The following PDCD7 variants were observed in gnomAD, a reference collection of about 807,000 sequenced individuals.
The protein encoded by PDCD7 is programmed cell death protein 7.
A neutral mutation model predicts 42.1 loss-of-function variants in PDCD7; 40 were observed. The ratio of observed to expected loss-of-function variants is 0.95; its 90% CI spans 0.74 to 1.24. The LOEUF (loss-of-function observed/expected upper bound fraction) is 1.24. Among genes scored for constraint, PDCD7 ranks in the 50% most tolerant of loss-of-function variants. The pLI, the probability that PDCD7 is intolerant of heterozygous loss-of-function variation, is 0.00. For missense variants in PDCD7, 644 were observed against 662.8 expected (o/e 0.97, Z 0.31); for synonymous variants, 299 against 303.3 (o/e 0.99, Z 0.15).
At chr15:65,122,087 C>T (rs2087459813) in intron 2 of PDCD7, among the ~76,000 whole-genome samples, 1 of 152,164 alleles carries the variant, frequency 6.6e-6, no homozygotes, top group Admixed American at 6.5e-5. Context: ...GTAAACCTAG[C>T]ACTTTGGGAG....
chr15:65,124,929 G>A (rs2087484008), intron 2 of PDCD7, among the ~76,000 whole-genome samples: 1 of 152,092 alleles, frequency 6.6e-6, no homozygotes. Flanking sequence ...ATGTCAGCTG[G>A]ACCCATAGCA....
chr15:65,130,535 A>G (rs891863390), intron 1 of PDCD7, among the ~76,000 whole-genome samples: 2 of 152,148 alleles, frequency 1.3e-5, no homozygotes, highest in African/African-American at 4.8e-5. Flanking sequence ...CCTCTTGCCT[A>G]AAGTGCTCTC....
At chr15:65,132,109 T>TACACATACATACACATATATACAC (rs2087544672) in intron 1 of PDCD7, among the ~76,000 whole-genome samples, 1 of 84,578 alleles carries the variant, frequency 1.2e-5, no homozygotes, top group Non-Finnish European at 2.5e-5. Context: ...TATGTGTATA[T>TACACATACATACACATATATACAC]ATATGTATGT....
At position 65,119,399 on chromosome 15, in the gene PDCD7, G is replaced by A. The variant is rs1289689082; in HGVS notation, c.1311C>T (p.Ser437=). Residue 437 remains serine, a synonymous_variant, in exon 4 of 5, where the codon TCC becomes TCT. Transcript: ENST00000204549. ...ACCTGATCTGGATGAGCGCTGGCAG[G>A]GAGTGCTCGGCTTGGAGATAATACT... ...FRQYYLQAEH[S]LPALIQIRHD... is the part of the protein sequence containing the mutation. The A allele has an allele frequency of 6.2e-7, 1 of 1,613,706 alleles. No individual in the cohort carries two copies.
chr15:65,130,455 C>T (rs1365594441), intron 1 of PDCD7, among the ~76,000 whole-genome samples: 1 of 152,076 alleles, frequency 6.6e-6, no homozygotes, highest in Non-Finnish European at 1.5e-5. Flanking sequence ...CGGCGCCCAG[C>T]CCCAACCCTG....
At chr15:65,122,888 G>C (rs1355562659) in intron 2 of PDCD7, among the ~76,000 whole-genome samples, 1 of 151,654 alleles carries the variant, frequency 6.6e-6, no homozygotes, top group African/African-American at 2.4e-5. Context: ...TGTAATCCCA[G>C]CTACTCAGGA....
At position 65,118,481 on chromosome 15, in the gene PDCD7, C is replaced by T; in HGVS notation, c.*236G>A. 5.1e-6 allele frequency: 2 copies of T among 393,562 alleles called. No homozygotes were observed. Among genetic ancestry groups the T allele is most frequent in the Non-Finnish European group, 8.9e-6 (2 of 225,202 alleles). 24.4% of individuals were successfully genotyped at this position (393,562 alleles called of 1,614,324 possible). ...AAATTTGGTGAACCAAGGTCATTCA[C>T]TGCCTGTGGTAAAAACCTCAGTTCA... On this transcript the variant is annotated 3_prime_UTR_variant, in exon 5 of 5. Transcript: ENST00000204549.
rs1368808697 is a variant in PDCD7, at chr15:65,133,032, G to C, written c.750C>G (p.Arg250=). The C allele has an allele frequency of 1.3e-6, 2 of 1,596,764 alleles. No individual in the cohort carries two copies. Among genetic ancestry groups the C allele is most frequent in the Non-Finnish European group, 1.7e-6 (2 of 1,177,140 alleles). The change falls in exon 1 of 5, where the codon CGC becomes CGG. Residue 250 remains arginine, a synonymous_variant. Coordinates refer to ENST00000204549, the MANE Select transcript of PDCD7 (RefSeq NM_005707.2). ...CGGCCTCGCGTTCCCGGGCCCTCTC[G>C]CGAAGCCGCAGCCGGCGGCGCCGGA... The part of the protein sequence containing the change: ...ERVRRRRLRL[R]ERAREREAER...
chr15:65,121,676 C>G (rs1237475704), intron 2 of PDCD7, among the ~76,000 whole-genome samples: 2 of 152,186 alleles, frequency 1.3e-5, no homozygotes, highest in East Asian at 3.9e-4. Context: ...CCTGATTTAA[C>G]TATGAGGTCA....
intron 1 of PDCD7, among the ~76,000 whole-genome samples, chr15:65,130,993 A>T (rs921649250): frequency 2.0e-5 from 3 of 152,126 alleles, no homozygotes; most frequent in Non-Finnish European, 2.9e-5. Flanking sequence ...TCTCCCACAG[A>T]TCTCTAAGCC....
rs760459194 is a variant in PDCD7, at chr15:65,132,904, G to A, written c.870+8C>T. On this transcript the variant is annotated splice_region_variant and intron_variant, in intron 1 of 4. Transcript: ENST00000204549. The stretch of plus-strand genomic sequence containing the variant: ...ACTCCTACCCCCATGAGCGGCCGCT[G>A]CTCTCACCCGCTTCTTCTCCTCCAC... 2 of 1,602,160 alleles carry A rather than the reference G, an allele frequency of 1.2e-6. No individual in the cohort carries two copies. The highest frequency in any genetic ancestry group is 2.2e-5 in the South Asian group (2 of 91,060).
chr15:65,127,656 C>T (rs962971116), intron 2 of PDCD7, among the ~76,000 whole-genome samples: 1 of 152,160 alleles, frequency 6.6e-6, no homozygotes, highest in Non-Finnish European at 1.5e-5. Flanking sequence ...ATGCATGCAA[C>T]CAGCTGCTAC....
At chr15:65,122,126 G>C (rs2087460153) in intron 2 of PDCD7, among the ~76,000 whole-genome samples, 2 of 152,150 alleles carry the variant, frequency 1.3e-5, no homozygotes, top group African/African-American at 4.8e-5. Context: ...CCTGAGCTCA[G>C]GAGTTCAAGA....
intron 2 of PDCD7, among the ~76,000 whole-genome samples, chr15:65,125,548 C>G (rs1425790892): frequency 6.6e-6 from 1 of 152,212 alleles, no homozygotes; most frequent in Non-Finnish European, 1.5e-5. Flanking sequence ...GCATAGGTCA[C>G]TAATGACCGG....
At chr15:65,121,974 G>A (rs2087458481) in intron 2 of PDCD7, among the ~76,000 whole-genome samples, 1 of 152,172 alleles carries the variant, frequency 6.6e-6, no homozygotes, top group Admixed American at 6.5e-5. Context: ...GAGTGATGTG[G>A]ATGTGATCTA....
intron 1 of PDCD7, among the ~76,000 whole-genome samples, chr15:65,130,124 G>C (rs1487966443): frequency 2.0e-5 from 3 of 147,956 alleles, no homozygotes; most frequent in Non-Finnish European, 4.5e-5. Flanking sequence ...GATTACAGGA[G>C]TGAGCCACTT....
At position 65,133,222 on chromosome 15, in the gene PDCD7, C is replaced by G; in HGVS notation, c.560G>C (p.Arg187Pro). 7.2e-7 allele frequency: 1 copy of G among 1,380,390 alleles called. No homozygotes were observed. Among genetic ancestry groups the G allele is most frequent in the Non-Finnish European group, 9.3e-7 (1 of 1,076,758 alleles). The allele number at this position is 1,380,390 out of a possible 1,614,324, so 85.5% of individuals were successfully genotyped here. A position where few individuals can be genotyped will look rare whatever the true frequency, so the allele number is the denominator to read the frequency against. Reference protein sequence around the residue: ...RLLRALRLVRRLRGLSQALRE... With the variant: ...RLLRALRLVRPLRGLSQALRE... ...CAGGGCCTGGCTCAGGCCGCGCAGCCGCCGCACCAGGCGCAGAGCCCGGAG... is the reference window on the plus strand; with the variant it reads ...CAGGGCCTGGCTCAGGCCGCGCAGCGGCCGCACCAGGCGCAGAGCCCGGAG... The change falls in exon 1 of 5, where the codon CGG becomes CCG. Residue 187 changes from arginine to proline, a missense_variant. Arg to Pro is a moderately radical substitution (Grantham distance 103). Transcript: ENST00000204549.
At chr15:65,124,940 C>T (rs1308925845) in intron 2 of PDCD7, among the ~76,000 whole-genome samples, 1 of 152,158 alleles carries the variant, frequency 6.6e-6, no homozygotes, top group Non-Finnish European at 1.5e-5. Context: ...ACCCATAGCA[C>T]CCCCTGCAAC....
chr15:65,119,286 G>T, intron 4 of PDCD7, 90 bp downstream of exon 4: 1 of 728,870 alleles, frequency 1.4e-6, no homozygotes, highest in East Asian at 2.8e-5. Context: ...AAAAAAAAAA[G>T]ACAGTAATAG....
Sources: gnomAD v4.1 joint callset for allele counts (sites outside exome capture counted in the v4.1 genomes callset) on GRCh38, gnomAD v4.1.1 for gene constraint, MANE v1.5 for transcripts, NCBI Gene and HGNC (gene_info 2026-07-23, HGNC 2026-07-21) for gene names.